CACNA2D3: variants seen among roughly 807,000 people sequenced by gnomAD.
CACNA2D3 encodes calcium voltage-gated channel auxiliary subunit alpha2delta 3.
CACNA2D3 carries 60 observed loss-of-function variants against 160.6 expected under a neutral mutation model. That is an observed-to-expected ratio of 0.37 (90% CI 0.30 to 0.46). The LOEUF (loss-of-function observed/expected upper bound fraction) is 0.46. Ranked by LOEUF, CACNA2D3 falls within the 20% of genes least tolerant of loss-of-function variation. CACNA2D3 has a pLI of 1.00. For synonymous variants in CACNA2D3, 558 were observed against 492.9 expected (o/e 1.13, Z -1.75); for missense variants, 1,205 against 1,365.0 (o/e 0.88, Z 1.85).
intron 27 of CACNA2D3, among the ~76,000 whole-genome samples, chr3:54,956,517 A>G (rs907269192): frequency 2.0e-5 from 3 of 152,112 alleles, no homozygotes; most frequent in Non-Finnish European, 4.4e-5. Flanking sequence ...AGTCTTTTCA[A>G]ACTCGTTACC....
intron 2 of CACNA2D3, among the ~76,000 whole-genome samples, chr3:54,132,050 C>T (rs1402703965): frequency 1.3e-5 from 2 of 152,236 alleles, no homozygotes; most frequent in South Asian, 2.1e-4. Flanking sequence ...CGAGTCATAA[C>T]ATCCAGCTTT....
chr3:54,779,121 A>G (rs1702483338), intron 13 of CACNA2D3, among the ~76,000 whole-genome samples: 1 of 151,656 alleles, frequency 6.6e-6, no homozygotes, highest in South Asian at 2.1e-4. Context: ...TTTTTGAGAC[A>G]GAGTCTCCTT....
At chr3:54,896,939 G>T in intron 26 of CACNA2D3, 69 bp downstream of exon 26, 1 of 1,598,454 alleles carries the variant, frequency 6.3e-7, no homozygotes, top group South Asian at 1.1e-5. Flanking sequence ...TGTGCAGGGT[G>T]TTGGGGAGCT....
At chr3:54,209,805 T>C (rs1023289261) in intron 2 of CACNA2D3, among the ~76,000 whole-genome samples, 19 of 152,238 alleles carry the variant, frequency 1.2e-4, no homozygotes, top group African/African-American at 4.3e-4. Flanking sequence ...TCTTAAACTT[T>C]TTATTATTTT....
At chr3:54,428,646 C>A (rs1315027205) in intron 4 of CACNA2D3, among the ~76,000 whole-genome samples, 1 of 149,312 alleles carries the variant, frequency 6.7e-6, no homozygotes, top group Non-Finnish European at 1.5e-5. Flanking sequence ...GGCCTTATTT[C>A]TGCTATCAAC....
intron 11 of CACNA2D3, among the ~76,000 whole-genome samples, chr3:54,720,311 T>C (rs1455325400): frequency 3.3e-5 from 5 of 152,056 alleles, no homozygotes; most frequent in African/African-American, 1.2e-4. Context: ...AGATATCATA[T>C]TTTCATTATC....
chr3:54,459,792 C>T (rs914283023), intron 4 of CACNA2D3, among the ~76,000 whole-genome samples: 2 of 152,144 alleles, frequency 1.3e-5, no homozygotes. Flanking sequence ...TCCCATTTGT[C>T]AATTTTGGCT....
intron 33 of CACNA2D3, among the ~76,000 whole-genome samples, chr3:55,008,918 C>CACACACACACAT (rs1407723257): frequency 1.3e-5 from 2 of 151,436 alleles, no homozygotes; most frequent in African/African-American, 4.9e-5. Context: ...CACACACACA[C>CACACACACACAT]ACACACAGGG....
At chr3:55,039,396 C>G (rs1352126795) in intron 35 of CACNA2D3, among the ~76,000 whole-genome samples, 1 of 152,032 alleles carries the variant, frequency 6.6e-6, no homozygotes, top group East Asian at 1.9e-4. Flanking sequence ...TTTTAATGGT[C>G]GTTGGAAAAG....
At chr3:54,953,408 T>C (rs574822693) in intron 27 of CACNA2D3, among the ~76,000 whole-genome samples, 11 of 152,134 alleles carry the variant, frequency 7.2e-5, no homozygotes, top group Non-Finnish European at 1.6e-4. Flanking sequence ...TTCTTACCTA[T>C]AGAGGTGAGA....
chr3:54,824,242 A>C (rs1703701447), intron 14 of CACNA2D3, among the ~76,000 whole-genome samples: 1 of 152,236 alleles, frequency 6.6e-6, no homozygotes, highest in Admixed American at 6.5e-5. Flanking sequence ...TCAAAGACTC[A>C]GTCCATGTCA....
At chr3:54,891,308 G>A in intron 24 of CACNA2D3, 47 bp from the exon 25 acceptor site, 1 of 1,293,564 alleles carries the variant, frequency 7.7e-7, no homozygotes. Flanking sequence ...TGTATTATCT[G>A]CTTACTGTCT....
chr3:54,281,785 C>G (rs1460827768), intron 2 of CACNA2D3, among the ~76,000 whole-genome samples: 1 of 152,170 alleles, frequency 6.6e-6, no homozygotes, highest in Non-Finnish European at 1.5e-5. Flanking sequence ...GGATCTGAAT[C>G]AGTGGCATTT....
At chr3:54,927,979 G>A (rs994127462) in intron 27 of CACNA2D3, 6 of 1,479,728 alleles carry the variant, frequency 4.1e-6, no homozygotes, top group Middle Eastern at 1.7e-4. Flanking sequence ...AGCAACACAC[G>A]AAGGGCATGG....
chr3:54,757,973 T>A (rs1306648088), intron 12 of CACNA2D3, among the ~76,000 whole-genome samples: 2 of 152,214 alleles, frequency 1.3e-5, no homozygotes, highest in Non-Finnish European at 2.9e-5. Context: ...CATATCTCTC[T>A]TCATTTGAGG....
At chr3:54,775,275 C>T (rs939029032) in intron 13 of CACNA2D3, among the ~76,000 whole-genome samples, 2 of 152,262 alleles carry the variant, frequency 1.3e-5, no homozygotes. Flanking sequence ...CAATCCACGC[C>T]TAAGATCATG....
At chr3:54,661,846 A>G (rs646461) in intron 11 of CACNA2D3, among the ~76,000 whole-genome samples, 4,903 of 16,164 alleles carry the variant, frequency 0.3, 246 homozygotes, top group East Asian at 0.54. Context: ...GGATGTGTGT[A>G]TGTGTGTGTG....
chr3:54,641,730 T>C (rs1312085145), intron 10 of CACNA2D3, among the ~76,000 whole-genome samples: 13 of 152,200 alleles, frequency 8.5e-5, no homozygotes, highest in Non-Finnish European at 4.4e-5. Context: ...AGAGTCTGTT[T>C]TGTCAGTCTT....
chr3:54,236,129 A>T (rs1467690624), intron 2 of CACNA2D3, among the ~76,000 whole-genome samples: 1 of 152,162 alleles, frequency 6.6e-6, no homozygotes, highest in Non-Finnish European at 1.5e-5. Context: ...AAAATACCTG[A>T]CCAGTACTTC....
Sources: gnomAD v4.1 joint callset for allele counts (sites outside exome capture counted in the v4.1 genomes callset) on GRCh38, gnomAD v4.1.1 for gene constraint, MANE v1.5 for transcripts, NCBI Gene and HGNC (gene_info 2026-07-23, HGNC 2026-07-21) for gene names.